The following VWA2 variants were observed in gnomAD, a reference collection of about 807,000 sequenced individuals.
VWA2 encodes von Willebrand factor A domain-containing protein 2.
A neutral mutation model predicts 70.4 loss-of-function variants in VWA2; 73 were observed. That is an observed-to-expected ratio of 1.04 (90% confidence interval 0.86 to 1.26). The LOEUF is 1.26. VWA2 is among the 50% of genes most tolerant of loss of function. The pLI, the probability that VWA2 is intolerant of heterozygous loss-of-function variation, is 0.00. For missense variants in VWA2, 1,011 were observed against 998.5 expected, an observed-to-expected ratio of 1.01 and a Z score of -0.17; for synonymous variants, 407 against 423.3, an observed-to-expected ratio of 0.96 and a Z score of 0.47.
chr10:114,283,327 G>C (rs1393199107), intron 9 of VWA2, among the ~76,000 whole-genome samples: 4 of 151,122 alleles, frequency 2.6e-5, no homozygotes, highest in African/African-American at 9.7e-5. Context: ...GCAGGGTAGC[G>C]AGCAGTTAGA....
intron 4 of VWA2, among the ~76,000 whole-genome samples, chr10:114,259,815 C>T (rs1354930472): frequency 6.6e-6 from 1 of 152,122 alleles, no homozygotes; most frequent in Admixed American, 6.5e-5. Flanking sequence ...CCTACTGGTC[C>T]GTCTTCCTGT....
intron 5 of VWA2, among the ~76,000 whole-genome samples, chr10:114,270,500 TA>T (rs2133356969): frequency 6.6e-6 from 1 of 152,242 alleles, no homozygotes; most frequent in East Asian, 1.9e-4. Flanking sequence ...CAAATGTGGG[TA>T]AGATTAGTAC....
intron 6 of VWA2, among the ~76,000 whole-genome samples, chr10:114,275,529 C>T (rs2037820842): frequency 6.6e-6 from 1 of 151,362 alleles, no homozygotes; most frequent in Admixed American, 6.6e-5. Context: ...GTGCTTTCTT[C>T]TTCAGCAGGT....
intron 7 of VWA2, among the ~76,000 whole-genome samples, chr10:114,278,320 C>G (rs952121564): frequency 2.6e-5 from 4 of 152,162 alleles, no homozygotes; most frequent in African/African-American, 4.8e-5. Context: ...GCTCAAGAGA[C>G]AGAGCCAAGT....
At position 114,282,096 on chromosome 10, in the gene VWA2, G is replaced by A. The variant is rs932101756; in HGVS notation, c.834-420G>A. Among the ~76,000 whole-genome samples, 8 of 141,886 alleles carry A rather than the reference G, an allele frequency of 5.6e-5. No homozygotes were observed. In the South Asian group the frequency reaches 1.1e-3, roughly 20 times the overall value. 93.1% of individuals were successfully genotyped at this position (141,886 alleles called of 152,430 possible). ...GCAATCTCGGCTCACCGCAACCTCTGCCTCCTGGGTTCAAGCATTTCTGCC... is the reference window on the plus strand; with the variant it reads ...GCAATCTCGGCTCACCGCAACCTCTACCTCCTGGGTTCAAGCATTTCTGCC... On this transcript the variant is annotated intron_variant, in intron 8 of 13. Coordinates refer to ENST00000392982, the MANE Select transcript of VWA2 (RefSeq NM_001272046.2).
At position 114,288,742 on chromosome 10, in the gene VWA2, G is replaced by A. The variant is rs558831602; in HGVS notation, c.1571-196G>A. On this transcript the variant is annotated intron_variant, in intron 11 of 13. Coordinates refer to ENST00000392982, the MANE Select transcript of VWA2 (RefSeq NM_001272046.2). ...CAGGAAGTCTGGGAAATGTGGTCTG[G>A]CAGGCACTCATCTTCCTGCTAATAT... 2.6e-5 allele frequency among the ~76,000 whole-genome samples: 4 copies of A among 152,354 alleles called. No homozygotes were observed. The East Asian group carries it at 5.8e-4, about 22-fold the overall frequency.
At chr10:114,257,539 A>C (rs1367268511) in intron 4 of VWA2, among the ~76,000 whole-genome samples, 1 of 152,226 alleles carries the variant, frequency 6.6e-6, no homozygotes, top group Admixed American at 6.5e-5. Context: ...GCCGAGGGTC[A>C]CACAGCAACC....
chr10:114,275,523 T>TTTC (rs1181561515), intron 6 of VWA2, among the ~76,000 whole-genome samples: 1 of 151,894 alleles, frequency 6.6e-6, no homozygotes, highest in African/African-American at 2.4e-5. Context: ...CTTCCAGTGC[T>TTTC]TTCTTCTTCA....
At position 114,284,917 on chromosome 10, in the gene VWA2, T is replaced by C. The variant is rs2038668906; in HGVS notation, c.944T>C (p.Leu315Pro). The change falls in exon 10 of 14, where the codon CTG (leucine) becomes CCG (proline). Residue 315 changes from leucine (L) to proline (P), a missense_variant. Leu to Pro is a moderately conservative substitution (Grantham distance 98). Transcript: ENST00000392982. ...GGAGGCACATGTGTTCCAGAAGGAC[T>C]GGACGGCTACCAGTGCCTCTGCCCG... The part of the protein sequence containing the change: ...QNGGTCVPEG[L>P]DGYQCLCPLA... The C allele has an allele frequency of 1.2e-6, 2 of 1,605,388 alleles. No individual in the cohort carries two copies. Among genetic ancestry groups the C allele is most frequent in the East Asian group, 2.2e-5 (1 of 44,492 alleles).
intron 13 of VWA2, 63 bp downstream of exon 13, chr10:114,290,428 C>A: frequency 6.5e-7 from 1 of 1,536,270 alleles, no homozygotes; most frequent in South Asian, 1.2e-5. Flanking sequence ...CTGCCAAGTC[C>A]CACAAACTCA....
chr10:114,279,278 T>C (rs113433257), intron 8 of VWA2, among the ~76,000 whole-genome samples: 415 of 152,292 alleles, frequency 2.7e-3, no homozygotes, highest in African/African-American at 9.5e-3. Flanking sequence ...CTGGGTTCTT[T>C]GGGATTGGAG....
In VWA2 at chr10:114,254,904, G is replaced by T; in HGVS notation, c.128-11G>T. On this transcript the variant is annotated splice_polypyrimidine_tract_variant and intron_variant, in intron 3 of 13. Coordinates refer to ENST00000392982, the MANE Select transcript of VWA2 (RefSeq NM_001272046.2). ...CTCCTGGTTGTCATCTGTCTGTCCCGCTCTCCCTAGTGATGTGGTGCTCGG... is the reference window on the plus strand; with the variant it reads ...CTCCTGGTTGTCATCTGTCTGTCCCTCTCTCCCTAGTGATGTGGTGCTCGG... 1 of 1,611,652 alleles carries T rather than the reference G, an allele frequency of 6.2e-7. No homozygotes were observed. The highest frequency in any genetic ancestry group is 8.5e-7 in the Non-Finnish European group (1 of 1,178,696).
At chr10:114,249,043 G>A (rs893538005) in intron 2 of VWA2, among the ~76,000 whole-genome samples, 1 of 152,014 alleles carries the variant, frequency 6.6e-6, no homozygotes, top group Non-Finnish European at 1.5e-5. Flanking sequence ...ACATGTGCAC[G>A]ATGTGCAGGT....
rs1425991854 is a variant in VWA2, at chr10:114,291,218, G to T, written c.2249G>T (p.Arg750Leu). 1 of 1,550,572 alleles carries T rather than the reference G, an allele frequency of 6.4e-7. No homozygotes were observed. Among genetic ancestry groups the T allele is most frequent in the Admixed American group, 2.0e-5 (1 of 50,984 alleles). Reference protein sequence around the residue: ...DGWEGPHCENRFLRRP With the variant: ...DGWEGPHCENLFLRRP Reference sequence around the variant, plus strand: ...CCTCAGACTTCACTTCCTTCCCCAGGATTCTTGAGACGCCCCTGAGGCACA... The same window carrying T: ...CCTCAGACTTCACTTCCTTCCCCAGTATTCTTGAGACGCCCCTGAGGCACA... The change falls in exon 14 of 14, where the codon CGA becomes CTA. Residue 750 changes from arginine (R) to leucine (L), a missense_variant and splice_region_variant. By Grantham distance (102) the Arg-to-Leu change is moderately radical (BLOSUM62 -2). Coordinates refer to ENST00000392982, the MANE Select transcript of VWA2 (RefSeq NM_001272046.2).
At chr10:114,240,772 G>T (rs2036961439) in intron 1 of VWA2, among the ~76,000 whole-genome samples, 1 of 152,182 alleles carries the variant, frequency 6.6e-6, no homozygotes. Flanking sequence ...ACTGATGGGG[G>T]TTCAGAGCTC....
chr10:114,285,067 A>G, intron 10 of VWA2, 97 bp downstream of exon 10: 1 of 1,015,868 alleles, frequency 9.8e-7, no homozygotes, highest in Non-Finnish European at 1.4e-6. Context: ...CTGGGTAGAA[A>G]CTGGCCCTTG....
intron 1 of VWA2, among the ~76,000 whole-genome samples, chr10:114,242,004 G>A (rs1467837402): frequency 6.6e-6 from 1 of 151,450 alleles, no homozygotes; most frequent in Non-Finnish European, 1.5e-5. Flanking sequence ...CAGTGGGACA[G>A]CTGAATGTAT....
At chr10:114,240,841 G>T (rs568206980) in intron 1 of VWA2, among the ~76,000 whole-genome samples, 1 of 152,188 alleles carries the variant, frequency 6.6e-6, no homozygotes, top group Non-Finnish European at 1.5e-5. Flanking sequence ...AGTAGTGTAA[G>T]AATTTCTCAG....
intron 7 of VWA2, 110 bp downstream of exon 7, chr10:114,278,157 G>A (rs2037895394): frequency 1.4e-6 from 2 of 1,433,658 alleles, no homozygotes; most frequent in Non-Finnish European, 9.3e-7. Flanking sequence ...GGGCAGGCAA[G>A]AGAAACAGAG....
Sources: gnomAD v4.1 joint callset for allele counts (sites outside exome capture counted in the v4.1 genomes callset) on GRCh38, gnomAD v4.1.1 for gene constraint, MANE v1.5 for transcripts, NCBI Gene and HGNC (gene_info 2026-07-23, HGNC 2026-07-21) for gene names.